Variants in RLF observed in about 807,000 individuals in gnomAD.
The protein encoded by RLF is zinc finger protein Rlf.
RLF carries 7 observed loss-of-function variants against 162.9 expected under a neutral mutation model. The observed-to-expected ratio is 0.04, with a 90% CI of 0.02 to 0.08. RLF has a LOEUF of 0.08. RLF is among the 10% of genes least tolerant of loss of function. RLF has a pLI of 1.00. For synonymous variants in RLF, 782 were observed against 791.5 expected, an observed-to-expected ratio of 0.99 and a Z score of 0.20; for missense variants, 1,664 against 2,244.7, an observed-to-expected ratio of 0.74 and a Z score of 5.23.
At chr1:40,188,067 A>G (rs779792564) in intron 1 of RLF, among the ~76,000 whole-genome samples, 2 of 152,196 alleles carry the variant, frequency 1.3e-5, no homozygotes, top group Non-Finnish European at 2.9e-5. Flanking sequence ...TATCCTGCTT[A>G]TGTTAGACTG....
chr1:40,190,810 A>C lies in RLF; in HGVS notation c.431A>C (p.Glu144Ala). The C allele has an allele frequency of 6.2e-7, 1 of 1,613,248 alleles. No individual in the cohort carries two copies. Among genetic ancestry groups the C allele is most frequent in the East Asian group, 2.2e-5 (1 of 44,782 alleles). ...FELLLSVSESELPCEVWLPFL... is the reference protein window; with the variant it reads ...FELLLSVSESALPCEVWLPFL... ...TTACTGCTTTCAGTGTCTGAAAGTG[A>C]ACTGCCATGTGAAGTCTGGCTACCA... Residue 144 changes from glutamate to alanine, a missense_variant, in exon 3 of 8, where the codon GAA becomes GCA. By Grantham distance (107) the Glu-to-Ala change is moderately radical. Around this residue, in one of 15 missense-constraint regions of RLF, gnomAD observed 287 missense variants for 404.9 expected, o/e 0.71. Coordinates refer to ENST00000372771, the MANE Select transcript of RLF (RefSeq NM_012421.4).
intron 5 of RLF, among the ~76,000 whole-genome samples, chr1:40,205,313 GCAACAGAA>G (rs1463916054): frequency 6.6e-6 from 1 of 151,896 alleles, no homozygotes; most frequent in Non-Finnish European, 1.5e-5. Context: ...TCCAGCCTGG[GCAACAGAA>G]CAACAGAACG....
intron 1 of RLF, among the ~76,000 whole-genome samples, chr1:40,185,913 T>TGG (rs1642474403): frequency 6.9e-6 from 1 of 145,270 alleles, no homozygotes; most frequent in South Asian, 2.2e-4. Flanking sequence ...TCCCAGCACT[T>TGG]GGGGAGGCCA....
At chr1:40,216,402 C>G (rs1391999456) in intron 5 of RLF, among the ~76,000 whole-genome samples, 4 of 151,328 alleles carry the variant, frequency 2.6e-5, no homozygotes, top group African/African-American at 9.7e-5. Context: ...GCAGGAGAAT[C>G]GCTTGAACCC....
At chr1:40,199,979 T>C (rs1355742380) in intron 4 of RLF, among the ~76,000 whole-genome samples, 2 of 152,254 alleles carry the variant, frequency 1.3e-5, no homozygotes, top group East Asian at 3.9e-4. Flanking sequence ...AAGTAGGGAA[T>C]AAGGAGCTAT....
Position 40,236,215 on chromosome 1 carries a change from G to A in RLF, c.1513G>A (p.Asp505Asn). The change falls in exon 8 of 8, where the codon GAT (aspartate) becomes AAT (asparagine). Residue 505 changes from aspartate to asparagine, a missense_variant. Asp to Asn is a conservative substitution (Grantham distance 23). Coordinates refer to ENST00000372771, the MANE Select transcript of RLF (RefSeq NM_012421.4). This position sits in a 1 kb window ranked among gnomAD's most constrained non-coding sequence, Gnocchi z 7.7. ...SGYEMSINDT[D>N]VLESFLSDYD... ...CTATGAAATGTCCATTAATGACACA[G>A]ATGTTTTAGAGTCATTTCTCAGTGA... 3.1e-6 allele frequency: 5 copies of A among 1,613,924 alleles called. No homozygotes were observed. Among genetic ancestry groups the A allele is most frequent in the Non-Finnish European group, 4.2e-6 (5 of 1,179,892 alleles).
chr1:40,195,405 C>T (rs760520356), intron 3 of RLF, among the ~76,000 whole-genome samples: 5 of 150,770 alleles, frequency 3.3e-5, no homozygotes, highest in Non-Finnish European at 5.9e-5. Context: ...GCTGAGATCG[C>T]GCCACTGCAC....
chr1:40,184,245 T>C (rs1052057588), intron 1 of RLF, among the ~76,000 whole-genome samples: 8 of 152,240 alleles, frequency 5.3e-5, no homozygotes, highest in Non-Finnish European at 8.8e-5. Context: ...CATTTTCCCC[T>C]TGGACATTAA....
chr1:40,231,908 G>T (rs895473741), intron 7 of RLF, among the ~76,000 whole-genome samples: 4 of 152,048 alleles, frequency 2.6e-5, no homozygotes, highest in Non-Finnish European at 4.4e-5. Flanking sequence ...CTCCTGTCAC[G>T]TTAAGAACAT....
intron 1 of RLF, among the ~76,000 whole-genome samples, chr1:40,185,983 C>G (rs564532353): frequency 1.3e-5 from 2 of 151,900 alleles, no homozygotes; most frequent in South Asian, 4.2e-4. Flanking sequence ...ATGGTGAAAC[C>G]CCATCTCTAC....
At chr1:40,194,571 G>A (rs1642603591) in intron 3 of RLF, among the ~76,000 whole-genome samples, 1 of 148,452 alleles carries the variant, frequency 6.7e-6, no homozygotes, top group South Asian at 2.1e-4. Context: ...ACCAACAAGA[G>A]CAAAACTCCA....
At chr1:40,224,437 C>T (rs908815594) in intron 6 of RLF, among the ~76,000 whole-genome samples, 3 of 150,394 alleles carry the variant, frequency 2.0e-5, no homozygotes, top group East Asian at 2.0e-4. Context: ...CTGCCACGCC[C>T]GACTAATTTT....
chr1:40,178,627 T>G lies in RLF; in HGVS notation c.238-10428T>G, dbSNP rs143150505. ...CCAAAGCTGTCTTTGGTGTTTTTTT[T>G]TTTTGTTTTTTTTTTTTTTTTGGAG... is the stretch of plus-strand genomic sequence containing the variant. On this transcript the variant is annotated intron_variant, in intron 1 of 7. Coordinates refer to ENST00000372771, the MANE Select transcript of RLF (RefSeq NM_012421.4). 4.8e-3 allele frequency among the ~76,000 whole-genome samples: 654 copies of G among 134,960 alleles called. 12 individuals are homozygous for G. The highest frequency in any genetic ancestry group is 0.029 in the East Asian group (148 of 5,130). 88.5% of individuals were successfully genotyped at this position (134,960 alleles called of 152,430 possible).
chr1:40,231,863 AT>A (rs1557760421), intron 7 of RLF, among the ~76,000 whole-genome samples: 1 of 152,178 alleles, frequency 6.6e-6, no homozygotes, highest in African/African-American at 2.4e-5. Context: ...AAGTTAGGTG[AT>A]ATTTATTTCT....
In RLF at chr1:40,238,530, C is replaced by T. The variant is rs1408039070; in HGVS notation, c.3828C>T (p.Gly1276=). The change falls in exon 8 of 8, where the codon GGC becomes GGT. Residue 1276 remains glycine, a synonymous_variant. Transcript: ENST00000372771. The surrounding 1 kb of genome is among the most constrained non-coding windows in gnomAD (Gnocchi z 5.2). The part of the protein sequence containing the change: ...SKTSDISSPI[G]SHREEQEGRE... The stretch of plus-strand genomic sequence containing the variant: ...CATCTGACATTTCATCACCAATAGG[C>T]AGCCATAGAGAAGAACAAGAAGGAA... 5 of 1,613,722 alleles carry T rather than the reference C, an allele frequency of 3.1e-6. No homozygotes were observed. The highest frequency in any genetic ancestry group is 4.2e-6 in the Non-Finnish European group (5 of 1,180,024).
rs932483160 is a variant in RLF at position 40,237,149 on chromosome 1, T to C, written c.2447T>C (p.Ile816Thr). Residue 816 changes from isoleucine (I) to threonine (T), a missense_variant, in exon 8 of 8, where the codon ATT becomes ACT. Coordinates refer to ENST00000372771, the MANE Select transcript of RLF (RefSeq NM_012421.4). This position sits in a 1 kb window ranked among gnomAD's most constrained non-coding sequence, Gnocchi z 4.4. Reference sequence around the variant, plus strand: ...TGTAAAAAGTTCTATTACTCCAAAATTGAATACCAGAATCACCTCTCAATG... The same window carrying C: ...TGTAAAAAGTTCTATTACTCCAAAACTGAATACCAGAATCACCTCTCAATG... The part of the protein sequence containing the change: ...LGCKKFYYSK[I>T]EYQNHLSMHN... 6.2e-7 allele frequency: 1 copy of C among 1,614,060 alleles called. No individual in the cohort carries two copies. The highest frequency in any genetic ancestry group is 1.1e-5 in the South Asian group (1 of 91,070).
At chr1:40,194,908 A>G (rs1166201398) in intron 3 of RLF, among the ~76,000 whole-genome samples, 2 of 151,786 alleles carry the variant, frequency 1.3e-5, no homozygotes, top group Non-Finnish European at 2.9e-5. Flanking sequence ...ATCATGGCTC[A>G]CTGCAACCTC....
intron 1 of RLF, among the ~76,000 whole-genome samples, chr1:40,163,815 C>A (rs1407282282): frequency 1.3e-5 from 2 of 152,042 alleles, no homozygotes; most frequent in Admixed American, 1.3e-4. Context: ...CCTTATAATG[C>A]TTTATACAAT....
chr1:40,194,807 GTTA>G (rs1642607387), intron 3 of RLF, among the ~76,000 whole-genome samples: 1 of 144,056 alleles, frequency 6.9e-6, no homozygotes, highest in African/African-American at 2.6e-5. Context: ...AAACATCCTA[GTTA>G]TTTATTTATT....
Sources: gnomAD v4.1 joint callset for allele counts (sites outside exome capture counted in the v4.1 genomes callset) on GRCh38, gnomAD v4.1.1 for gene constraint, gnomAD v4.1.1 regional missense constraint, Gnocchi (gnomAD v3.1) non-coding constraint, MANE v1.5 for transcripts, NCBI Gene and HGNC (gene_info 2026-07-23, HGNC 2026-07-21) for gene names.